The following TBC1D5 variants were observed in gnomAD, a reference collection of about 807,000 sequenced individuals.
The protein encoded by TBC1D5 is TBC1 domain family, member 5.
TBC1D5 carries 75 observed loss-of-function variants against 100.3 expected under a neutral mutation model. The ratio of observed to expected loss-of-function variants is 0.75; its 90% confidence interval spans 0.62 to 0.91. The LOEUF (loss-of-function observed/expected upper bound fraction) is 0.91, where lower values mean the gene tolerates loss of function less well. TBC1D5 is among the 40% of genes least tolerant of loss of function. The pLI is 0.00. For missense variants in TBC1D5, 910 were observed against 942.4 expected (o/e 0.97, Z 0.45); for synonymous variants, 323 against 325.6 (o/e 0.99, Z 0.09).
chr3:17,622,999 T>A (rs564429589), intron 2 of TBC1D5, among the ~76,000 whole-genome samples: 3 of 152,236 alleles, frequency 2.0e-5, no homozygotes, highest in Non-Finnish European at 2.9e-5. Flanking sequence ...TAACTGTCTG[T>A]CTACTCCTGG....
At chr3:17,394,113 A>T (rs184174342) in intron 8 of TBC1D5, among the ~76,000 whole-genome samples, 22 of 152,052 alleles carry the variant, frequency 1.4e-4, no homozygotes, top group African/African-American at 5.3e-4. Context: ...CAAAACAAAG[A>T]ATTGGTCCAA....
chr3:17,338,047 G>A (rs1195641654), intron 13 of TBC1D5, among the ~76,000 whole-genome samples: 1 of 152,106 alleles, frequency 6.6e-6, no homozygotes, highest in African/African-American at 2.4e-5. Context: ...CCAAAGAAGA[G>A]AGGAAACAAA....
At chr3:17,196,751 T>G (rs955308737) in intron 18 of TBC1D5, among the ~76,000 whole-genome samples, 2 of 152,244 alleles carry the variant, frequency 1.3e-5, no homozygotes, top group Admixed American at 6.5e-5. Context: ...AAGAAAATTA[T>G]GTAGAGTGTA....
intron 16 of TBC1D5, among the ~76,000 whole-genome samples, chr3:17,257,463 A>T (rs2077818487): frequency 6.6e-6 from 1 of 152,216 alleles, no homozygotes; most frequent in Non-Finnish European, 1.5e-5. Context: ...AACAAGACTC[A>T]GATGAAATGA....
At chr3:17,623,475 T>C (rs1056369570) in intron 2 of TBC1D5, among the ~76,000 whole-genome samples, 1 of 152,202 alleles carries the variant, frequency 6.6e-6, no homozygotes, top group African/African-American at 2.4e-5. Flanking sequence ...ATCCCTATTA[T>C]CTGCTGATGA....
At chr3:17,197,079 TG>T (rs985301705) in intron 18 of TBC1D5, among the ~76,000 whole-genome samples, 5 of 152,200 alleles carry the variant, frequency 3.3e-5, no homozygotes, top group Non-Finnish European at 5.9e-5. Context: ...GTGTGTGTTA[TG>T]GGCTACTTCC....
At chr3:17,697,059 T>G (rs2072230962) in intron 1 of TBC1D5, among the ~76,000 whole-genome samples, 1 of 152,238 alleles carries the variant, frequency 6.6e-6, no homozygotes, top group Admixed American at 6.5e-5. Flanking sequence ...CAACAGTATT[T>G]CATGCTAAAA....
chr3:17,417,274 C>G (rs190727332), intron 4 of TBC1D5, among the ~76,000 whole-genome samples: 4 of 151,778 alleles, frequency 2.6e-5, no homozygotes, highest in Non-Finnish European at 5.9e-5. Flanking sequence ...ATGTGCCATG[C>G]TGGTGTGCTG....
chr3:17,294,489 T>G (rs1039229112), intron 14 of TBC1D5, among the ~76,000 whole-genome samples: 1 of 152,244 alleles, frequency 6.6e-6, no homozygotes, highest in Non-Finnish European at 1.5e-5. Flanking sequence ...TATAGATAGA[T>G]AGAGACCAGA....
chr3:17,591,430 G>A (rs2096771153), intron 2 of TBC1D5, among the ~76,000 whole-genome samples: 1 of 151,930 alleles, frequency 6.6e-6, no homozygotes, highest in African/African-American at 2.4e-5. Context: ...CCTTCCCCAA[G>A]GAGACCTCCA....
intron 1 of TBC1D5, among the ~76,000 whole-genome samples, chr3:17,693,733 C>T (rs577617502): frequency 3.9e-5 from 6 of 152,338 alleles, no homozygotes; most frequent in African/African-American, 1.4e-4. Context: ...AGCAGTGGTT[C>T]TCCCAACACA....
intron 1 of TBC1D5, among the ~76,000 whole-genome samples, chr3:17,731,781 G>A (rs112112685): frequency 1.6e-4 from 24 of 152,172 alleles, no homozygotes; most frequent in African/African-American, 5.3e-4. Flanking sequence ...GGAGTAAAAT[G>A]TGTCTGCCAC....
intron 2 of TBC1D5, among the ~76,000 whole-genome samples, chr3:17,553,447 A>G (rs2096490239): frequency 1.3e-5 from 2 of 152,210 alleles, no homozygotes; most frequent in African/African-American, 4.8e-5. Flanking sequence ...GATTTGTACT[A>G]TTTAACAAAA....
Position 17,190,117 on chromosome 3 carries a change from TAA to T in TBC1D5, c.1753-4911_1753-4910del. Among the ~76,000 whole-genome samples the T allele has an allele frequency of 2.0e-5, 3 of 152,350 alleles. No individual in the cohort carries two copies. In the South Asian group the frequency reaches 6.2e-4, roughly 32 times the overall value. On this transcript the variant is annotated intron_variant, in intron 18 of 21. Coordinates refer to ENST00000253692, the Ensembl canonical transcript of TBC1D5. ...CAATGTAGTCCTGCTATTTCTTTGT[TAA>T]AAAGAGGATAAACTTTCATAGTTTA...
chr3:17,615,243 C>T (rs935004445), intron 2 of TBC1D5, among the ~76,000 whole-genome samples: 6 of 152,146 alleles, frequency 3.9e-5, no homozygotes, highest in Admixed American at 3.3e-4. Flanking sequence ...CTGACCTGAT[C>T]GTGGTGGATA....
chr3:17,197,293 T>G (rs1403983197), intron 18 of TBC1D5, among the ~76,000 whole-genome samples: 1 of 152,238 alleles, frequency 6.6e-6, no homozygotes, highest in Non-Finnish European at 1.5e-5. Flanking sequence ...GTTCCTACTT[T>G]GTTTCATGTG....
At chr3:17,230,406 C>A (rs1488707358) in intron 17 of TBC1D5, among the ~76,000 whole-genome samples, 1 of 152,096 alleles carries the variant, frequency 6.6e-6, no homozygotes, top group African/African-American at 2.4e-5. Context: ...TGGAAGAAAT[C>A]ATAAGAAACT....
intron 19 of TBC1D5, among the ~76,000 whole-genome samples, chr3:17,180,437 T>C (rs1411212075): frequency 1.3e-5 from 2 of 152,218 alleles, no homozygotes; most frequent in Admixed American, 6.5e-5. Context: ...CAGCCTTAAA[T>C]AGTACTTGAC....
intron 15 of TBC1D5, among the ~76,000 whole-genome samples, chr3:17,289,145 C>T (rs1361496376): frequency 1.3e-5 from 2 of 152,210 alleles, no homozygotes; most frequent in Non-Finnish European, 2.9e-5. Context: ...CAGCTGCAAG[C>T]CCCGCATGGA....
Sources: gnomAD v4.1 joint callset for allele counts (sites outside exome capture counted in the v4.1 genomes callset) on GRCh38, gnomAD v4.1.1 for gene constraint, MANE v1.5 for transcripts, NCBI Gene and HGNC (gene_info 2026-07-23, HGNC 2026-07-21) for gene names.